Variants in STARD13 observed in about 807,000 individuals in gnomAD.
STARD13 encodes stAR-related lipid transfer protein 13.
STARD13 carries 62 observed loss-of-function variants against 106.4 expected under a neutral mutation model. That is an observed-to-expected ratio of 0.58 (90% CI 0.48 to 0.72). STARD13 has a LOEUF of 0.72. Among genes scored for constraint, STARD13 ranks in the 30% least tolerant of loss-of-function variants. The pLI is 0.00. For missense variants in STARD13, 1,387 were observed against 1,424.0 expected (o/e 0.97, Z 0.42); for synonymous variants, 565 against 553.0 (o/e 1.02, Z -0.31).
chr13:33,625,540 A>T, the STARD13 span, among the ~76,000 whole-genome samples: 2 of 151,940 alleles, frequency 1.3e-5, no homozygotes, highest in Admixed American at 6.5e-5. Flanking sequence ...ACTGCACTCC[A>T]GCCTGGCGAC....
the STARD13 span, among the ~76,000 whole-genome samples, chr13:33,639,562 G>A: frequency 1.3e-5 from 2 of 152,146 alleles, no homozygotes; most frequent in African/African-American, 4.8e-5. Flanking sequence ...CAGTTTCCCT[G>A]GTGTTAAATT....
At position 33,334,294 on chromosome 13, in the gene STARD13, T is replaced by C. The variant is rs1286102675; in HGVS notation, c.124+15996A>G. On this transcript the variant is annotated intron_variant, in intron 1 of 5. Transcript: ENST00000567873. ...TTTATTGCAAGACAAAGTTTCTCTA[T>C]TCTACTACAAAAGAAATCTTGCTGG... Among the ~76,000 whole-genome samples, 2 of 152,158 alleles carry C rather than the reference T, an allele frequency of 1.3e-5. 1 individual carries two copies. Among genetic ancestry groups the C allele is most frequent in the Non-Finnish European group, 2.9e-5 (2 of 68,020 alleles).
chr13:33,341,796 A>C (rs2138595149), intron 1 of STARD13, among the ~76,000 whole-genome samples: 1 of 151,804 alleles, frequency 6.6e-6, no homozygotes, highest in East Asian at 1.9e-4. Context: ...TACAAATGCA[A>C]ACTTTTTTTT....
intron 1 of STARD13, among the ~76,000 whole-genome samples, chr13:33,226,260 G>A (rs1438224848): frequency 6.6e-6 from 1 of 152,142 alleles, no homozygotes; most frequent in Admixed American, 6.6e-5. Context: ...TTTCTTCTTA[G>A]AGACAAACTT....
At chr13:33,458,289 T>C in the STARD13 span, among the ~76,000 whole-genome samples, 5 of 151,550 alleles carry the variant, frequency 3.3e-5, no homozygotes, top group African/African-American at 9.7e-5. Context: ...TTTTTTTTTT[T>C]TGAGACGGAG....
chr13:33,130,429 A>G lies in STARD13; in HGVS notation c.388-140T>C. 1.3e-6 allele frequency: 1 copy of G among 753,510 alleles called. No individual in the cohort carries two copies. The highest frequency in any genetic ancestry group is 1.8e-5 in the South Asian group (1 of 54,884). 46.7% of individuals were successfully genotyped at this position (753,510 alleles called of 1,614,324 possible). A position where few individuals can be genotyped will look rare whatever the true frequency, so the allele number is the denominator to read the frequency against. ...ATGCACAGGTGTGAGCTTCTTGGGC[A>G]CCTCTAAGCTGTCCTTCTACCACTT... is the stretch of plus-strand genomic sequence containing the variant. On this transcript the variant is annotated intron_variant, in intron 4 of 13. Transcript: ENST00000336934. This position sits in a 1 kb window ranked among gnomAD's most constrained non-coding sequence, Gnocchi z 4.1.
At chr13:33,455,084 A>C in the STARD13 span, among the ~76,000 whole-genome samples, 8 of 152,238 alleles carry the variant, frequency 5.3e-5, no homozygotes, top group Non-Finnish European at 1.2e-4. Context: ...CAGGAACATA[A>C]TGGAAAACAG....
At chr13:33,326,702 T>G (rs1044959639) in intron 1 of STARD13, among the ~76,000 whole-genome samples, 1 of 152,232 alleles carries the variant, frequency 6.6e-6, no homozygotes, top group African/African-American at 2.4e-5. Context: ...CTCAAAGTGA[T>G]TCTTTTGTAT....
At chr13:33,354,182 T>C (rs1378849708), upstream of STARD13, among the ~76,000 whole-genome samples, 1 of 152,162 alleles carries the variant, frequency 6.6e-6, no homozygotes. Flanking sequence ...ATCTCCTGAG[T>C]AACTGATTTA....
At chr13:33,209,740 G>A (rs1887616891) in intron 1 of STARD13, among the ~76,000 whole-genome samples, 1 of 152,146 alleles carries the variant, frequency 6.6e-6, no homozygotes. Context: ...GGAGACCGAG[G>A]TGGGAGGATC....
chr13:33,608,284 T>C, the STARD13 span, among the ~76,000 whole-genome samples: 4 of 152,200 alleles, frequency 2.6e-5, no homozygotes, highest in Admixed American at 1.3e-4. Context: ...AGACTAAATA[T>C]CATAAAGATG....
At chr13:33,366,523 G>A in the STARD13 span, among the ~76,000 whole-genome samples, 1 of 152,154 alleles carries the variant, frequency 6.6e-6, no homozygotes, top group Admixed American at 6.5e-5. The surrounding 1 kb of genome is among the most constrained non-coding windows in gnomAD (Gnocchi z 4.2). Flanking sequence ...TCGGGTACCT[G>A]CTTTGGATTT....
At chr13:33,363,623 C>T in the STARD13 span, among the ~76,000 whole-genome samples, 2 of 152,204 alleles carry the variant, frequency 1.3e-5, no homozygotes, top group Admixed American at 6.5e-5. Context: ...TCCTTAAATG[C>T]ACCACACTCT....
intron 1 of STARD13, among the ~76,000 whole-genome samples, chr13:33,262,668 C>CA (rs1393054111): frequency 1.6e-4 from 23 of 143,370 alleles, no homozygotes; most frequent in Non-Finnish European, 2.7e-4. Context: ...ACACAACACA[C>CA]ACACACACAC....
At chr13:33,131,416 G>C (rs980522131) in intron 4 of STARD13, among the ~76,000 whole-genome samples, 1 of 141,214 alleles carries the variant, frequency 7.1e-6, no homozygotes, top group Non-Finnish European at 1.5e-5. Flanking sequence ...CCACAGTGTA[G>C]TCCAAATCGA....
At chr13:33,654,695 G>A in the STARD13 span, 1 of 152,186 alleles carries the variant, frequency 6.6e-6, no homozygotes, top group African/African-American at 2.4e-5. Context: ...AGTAAAACAG[G>A]TACATTTCTG....
rs374836026 is a variant in STARD13, at chr13:33,129,838, C to T, written c.839G>A (p.Arg280Gln). 2.0e-5 allele frequency: 32 copies of T among 1,612,834 alleles called. No homozygotes were observed. Among genetic ancestry groups the T allele is most frequent in the Admixed American group, 6.7e-5 (4 of 60,012 alleles). ...GAHGRHKGSG[R>Q]TGGLVISGPM... ...CCCACTGATCACCAGGCCACCTGTC[C>T]GCCCAGACCCCTTATGCCTCCCGTG... is the stretch of plus-strand genomic sequence containing the variant. The change falls in exon 5 of 14, where the codon CGG becomes CAG. Residue 280 changes from arginine to glutamine, a missense_variant. Arg to Gln is a conservative substitution (Grantham distance 43). Transcript: ENST00000336934.
chr13:33,565,342 G>C, the STARD13 span, among the ~76,000 whole-genome samples: 1 of 147,150 alleles, frequency 6.8e-6, no homozygotes, highest in Non-Finnish European at 1.5e-5. Context: ...AGAACAATTT[G>C]AATGTTTCTA....
the STARD13 span, among the ~76,000 whole-genome samples, chr13:33,630,257 T>A: frequency 6.6e-6 from 1 of 152,144 alleles, no homozygotes; most frequent in Non-Finnish European, 1.5e-5. Flanking sequence ...CCCTCCCTCA[T>A]TAGCCACTAG....
Sources: gnomAD v4.1 joint callset for allele counts (sites outside exome capture counted in the v4.1 genomes callset) on GRCh38, gnomAD v4.1.1 for gene constraint, Gnocchi (gnomAD v3.1) non-coding constraint, MANE v1.5 for transcripts, NCBI Gene and HGNC (gene_info 2026-07-23, HGNC 2026-07-21) for gene names.